The following ARID1A variants were observed in gnomAD, a reference collection of about 807,000 sequenced individuals.
ARID1A encodes the protein AT-rich interactive domain-containing protein 1A.
Under a neutral mutation model 212.6 loss-of-function variants are expected in ARID1A, and 20 were observed. The ratio of observed to expected loss-of-function variants is 0.09; its 90% CI spans 0.07 to 0.14. The LOEUF (loss-of-function observed/expected upper bound fraction) is 0.14. Among genes scored for constraint, ARID1A ranks in the 10% least tolerant of loss-of-function variants. The probability of loss-of-function intolerance (pLI) is 1.00; values close to 1 mark genes in which losing one functional copy is unlikely to be tolerated. For synonymous variants in ARID1A, 1,376 were observed against 1,222.1 expected (o/e 1.13, Z -2.63); for missense variants, 2,587 against 3,059.0 (o/e 0.85, Z 3.64).
In ARID1A at chr1:26,766,533, A is replaced by G. The variant is rs1405226990; in HGVS notation, c.2955A>G (p.Ala985=). The G allele has an allele frequency of 6.2e-7, 1 of 1,613,680 alleles. No individual in the cohort carries two copies. Among genetic ancestry groups the G allele is most frequent in the Non-Finnish European group, 8.5e-7 (1 of 1,179,762 alleles). Residue 985 remains alanine (A), a synonymous_variant, in exon 10 of 20, where the codon GCA becomes GCG. Transcript: ENST00000324856. ...CAGCCACCAAAATGAACAACAAGGCAGATGGGACACCCAAGACAGAATCCA... is the reference window on the plus strand; with the variant it reads ...CAGCCACCAAAATGAACAACAAGGCGGATGGGACACCCAAGACAGAATCCA... ...LTPATKMNNK[A]DGTPKTESKS...
intron 10 of ARID1A, 47 bp downstream of exon 10, chr1:26,766,613 T>C (rs1557611397): frequency 1.3e-6 from 2 of 1,514,638 alleles, no homozygotes; most frequent in South Asian, 1.2e-5. Flanking sequence ...TCCTATCTTT[T>C]TCAGTGATAG....
At chr1:26,700,516 T>G (rs1467645742) in intron 1 of ARID1A, among the ~76,000 whole-genome samples, 1 of 152,326 alleles carries the variant, frequency 6.6e-6, no homozygotes, top group East Asian at 1.9e-4. Flanking sequence ...TGAAATAGTT[T>G]TAGATTACTT....
intron 10 of ARID1A, among the ~76,000 whole-genome samples, 154 bp from the exon 11 acceptor site, chr1:26,767,636 T>G (rs756990677): frequency 3.9e-5 from 6 of 152,212 alleles, no homozygotes; most frequent in Non-Finnish European, 7.3e-5. Flanking sequence ...TTTGGTTCTC[T>G]TTTGGCCCTT....
intron 1 of ARID1A, among the ~76,000 whole-genome samples, chr1:26,728,363 AAAAC>A (rs761771438): frequency 4.6e-5 from 7 of 152,236 alleles, no homozygotes; most frequent in Non-Finnish European, 8.8e-5. Flanking sequence ...GCATTATTAA[AAAAC>A]AAACACGTAC....
rs1396986748 is a variant in ARID1A at position 26,760,947 on chromosome 1, G to A, written c.2012G>A (p.Gly671Glu). 6.2e-7 allele frequency: 1 copy of A among 1,614,076 alleles called. No homozygotes were observed. Among genetic ancestry groups the A allele is most frequent in the Non-Finnish European group, 8.5e-7 (1 of 1,180,014 alleles). The change falls in exon 5 of 20, where the codon GGA becomes GAA. Residue 671 changes from glycine to glutamate, a missense_variant. Gly to Glu is a moderately conservative substitution (Grantham distance 98). Coordinates refer to ENST00000324856, the MANE Select transcript of ARID1A (RefSeq NM_006015.6). ...VSTSGISSSQGEQSNPAQSPF... is the reference protein window; with the variant it reads ...VSTSGISSSQEEQSNPAQSPF... Reference sequence around the variant, plus strand: ...ACATCAGGGATTTCCAGCAGCCAAGGAGAGCAGAGTAATCCAGCTCAGTCT... The same window carrying A: ...ACATCAGGGATTTCCAGCAGCCAAGAAGAGCAGAGTAATCCAGCTCAGTCT...
At chr1:26,764,260 C>T (rs1055467698) in intron 8 of ARID1A, 25 of 150,062 alleles carry the variant, frequency 1.7e-4, no homozygotes, top group African/African-American at 4.1e-4. Flanking sequence ...CCACCATGCC[C>T]GGCCTTTTTT....
At chr1:26,700,544 T>G (rs2080322824) in intron 1 of ARID1A, among the ~76,000 whole-genome samples, 1 of 152,224 alleles carries the variant, frequency 6.6e-6, no homozygotes, top group Non-Finnish European at 1.5e-5. Flanking sequence ...TGAAGTTGAT[T>G]TAAGGCTTTT....
chr1:26,713,624 T>A (rs1447637321), intron 1 of ARID1A, among the ~76,000 whole-genome samples: 1 of 152,294 alleles, frequency 6.6e-6, no homozygotes, highest in East Asian at 1.9e-4. Flanking sequence ...CCTCCCAGAG[T>A]GCTGGGATTA....
chr1:26,755,700 A>G (rs1272061220), intron 4 of ARID1A, among the ~76,000 whole-genome samples: 1 of 151,178 alleles, frequency 6.6e-6, no homozygotes, highest in Non-Finnish European at 1.5e-5. Flanking sequence ...GGACCTCCTC[A>G]GTTCTTGCCC....
intron 1 of ARID1A, among the ~76,000 whole-genome samples, chr1:26,708,398 C>T (rs1035593158): frequency 7.1e-6 from 1 of 141,458 alleles, no homozygotes. Flanking sequence ...GATTCTTCTG[C>T]CTCAGCCTCC....
rs2081184076 is a variant in ARID1A at position 26,780,715 on chromosome 1, C to A, written c.6817C>A (p.Gln2273Lys). The A allele has an allele frequency of 6.3e-7, 1 of 1,589,290 alleles. No individual in the cohort carries two copies. Among genetic ancestry groups the A allele is most frequent in the Non-Finnish European group, 8.5e-7 (1 of 1,170,798 alleles). Residue 2273 changes from glutamine (Q) to lysine (K), a missense_variant, in exon 20 of 20, where the codon CAA becomes AAA. Physicochemically the swap from Gln to Lys is moderately conservative, Grantham distance 53. Coordinates refer to ENST00000324856, the MANE Select transcript of ARID1A (RefSeq NM_006015.6). This position sits in a 1 kb window ranked among gnomAD's most constrained non-coding sequence, Gnocchi z 7.2. ...VSPLMNSLVS[Q>K]VICDVLFLIG... ...ACCGTTGATGAACTCATTGGTTTCA[C>A]AAGTCATTTGTGATGTACTGTTTTT... is the stretch of plus-strand genomic sequence containing the variant.
At chr1:26,755,987 C>T (rs921016245) in intron 4 of ARID1A, among the ~76,000 whole-genome samples, 4 of 152,052 alleles carry the variant, frequency 2.6e-5, no homozygotes, top group African/African-American at 9.7e-5. Context: ...TCGTGATCCT[C>T]CTGCCTCGGC....
intron 5 of ARID1A, 115 bp downstream of exon 5, chr1:26,761,211 T>G (rs1361829720): frequency 1.3e-6 from 2 of 1,502,410 alleles, no homozygotes; most frequent in Non-Finnish European, 1.8e-6. Context: ...CCTGCATAGT[T>G]TCCCCTTAGC....
intron 1 of ARID1A, among the ~76,000 whole-genome samples, chr1:26,697,888 G>T (rs1446598579): frequency 6.6e-6 from 1 of 152,034 alleles, no homozygotes; most frequent in Non-Finnish European, 1.5e-5. Flanking sequence ...CAGGTTAGGA[G>T]TGTAGGCAGT....
intron 1 of ARID1A, among the ~76,000 whole-genome samples, chr1:26,703,105 G>C (rs968166907): frequency 6.6e-6 from 1 of 152,170 alleles, no homozygotes; most frequent in Admixed American, 6.5e-5. Context: ...TATTTATACA[G>C]TTTTTACTGG....
rs1491399260 is a variant in ARID1A, at chr1:26,780,780, CCG to C, written c.*25_*26del. ...GACAGCCGTGGGACACCTCCCCCCC[CCG>C]TGTGTGTGTGCGTGTGTGGAGAACT... On this transcript the variant is annotated 3_prime_UTR_variant, in exon 20 of 20. Transcript: ENST00000324856. This position sits in a 1 kb window ranked among gnomAD's most constrained non-coding sequence, Gnocchi z 7.2. The C allele has an allele frequency of 2.6e-6, 4 of 1,543,412 alleles. No individual in the cohort carries two copies. Among genetic ancestry groups the C allele is most frequent in the Non-Finnish European group, 3.5e-6 (4 of 1,146,262 alleles).
At chr1:26,741,818 T>C (rs1039651588) in intron 4 of ARID1A, among the ~76,000 whole-genome samples, 6 of 152,200 alleles carry the variant, frequency 3.9e-5, no homozygotes, top group Middle Eastern at 3.2e-3. Context: ...TCTTAGCTAT[T>C]ACCCTTCGTA....
chr1:26,712,539 A>T (rs985999202), intron 1 of ARID1A, among the ~76,000 whole-genome samples: 20 of 152,068 alleles, frequency 1.3e-4, no homozygotes, highest in Non-Finnish European at 2.2e-4. Flanking sequence ...AATTTTTTTT[A>T]AATTAGCTGG....
chr1:26,768,058 A>G (rs2124088415), intron 11 of ARID1A, 59 bp downstream of exon 11: 4 of 1,542,534 alleles, frequency 2.6e-6, no homozygotes, highest in Admixed American at 1.8e-5. Flanking sequence ...CTTTCTAGGT[A>G]CTCACTGGCT....
Sources: allele counts gnomAD v4.1 joint callset (sites outside exome capture counted in the v4.1 genomes callset), GRCh38; gene constraint gnomAD v4.1.1; non-coding constraint Gnocchi (gnomAD v3.1); transcripts MANE v1.5; gene names NCBI Gene and HGNC (gene_info 2026-07-23, HGNC 2026-07-21).